CDH22: variants seen among roughly 807,000 people sequenced by gnomAD.
CDH22 encodes the protein cadherin 22, also known as cadherin-22.
In CDH22, 30 loss-of-function variants were observed where a neutral mutation model predicts 58.4. The ratio of observed to expected loss-of-function variants is 0.51; its 90% CI spans 0.38 to 0.70. The LOEUF (loss-of-function observed/expected upper bound fraction) is 0.70, where lower values mean the gene tolerates loss of function less well. Ranked by LOEUF, CDH22 falls within the 30% of genes least tolerant of loss-of-function variation. CDH22 has a pLI of 0.00. For synonymous variants in CDH22, 513 were observed against 558.2 expected (o/e 0.92, Z 1.14); for missense variants, 1,014 against 1,233.9 (o/e 0.82, Z 2.67).
intron 1 of CDH22, among the ~76,000 whole-genome samples, chr20:46,289,522 T>G (rs914418834): frequency 6.6e-5 from 10 of 152,244 alleles, no homozygotes; most frequent in African/African-American, 2.4e-4. Context: ...TCTATCTGTC[T>G]TCCTGTTTGT....
chr20:46,287,929 A>G (rs907236737), intron 1 of CDH22, among the ~76,000 whole-genome samples: 2 of 152,006 alleles, frequency 1.3e-5, no homozygotes, highest in Non-Finnish European at 2.9e-5. Context: ...GTGAGGTTGG[A>G]GAGGAGTGGG....
At chr20:46,306,449 T>C (rs1312711835) in intron 1 of CDH22, among the ~76,000 whole-genome samples, 1 of 152,222 alleles carries the variant, frequency 6.6e-6, no homozygotes, top group South Asian at 2.1e-4. Context: ...ACCCAAGAGG[T>C]ACAGGTGCCC....
chr20:46,217,203 G>C (rs911854833), intron 4 of CDH22, among the ~76,000 whole-genome samples: 1 of 151,768 alleles, frequency 6.6e-6, no homozygotes, highest in Non-Finnish European at 1.5e-5. Context: ...TACAGATACA[G>C]ATACACATGC....
intron 3 of CDH22, among the ~76,000 whole-genome samples, chr20:46,229,361 G>A (rs544500066): frequency 8.3e-4 from 126 of 151,476 alleles, no homozygotes; most frequent in African/African-American, 3.0e-3. Flanking sequence ...GGCACAGAGT[G>A]AGGAAGTGGT....
intron 1 of CDH22, among the ~76,000 whole-genome samples, chr20:46,278,690 C>T (rs966855676): frequency 6.6e-6 from 1 of 152,066 alleles, no homozygotes; most frequent in African/African-American, 2.4e-5. Flanking sequence ...GCTAAGCAAT[C>T]CTCCCACCTC....
At chr20:46,265,945 TAC>T (rs10536307) in intron 1 of CDH22, among the ~76,000 whole-genome samples, 9,065 of 147,562 alleles carry the variant, frequency 0.061, 440 homozygotes, top group East Asian at 0.23. Context: ...TTCACACAGA[TAC>T]ACACACACAC....
At chr20:46,245,595 A>G (rs560344381) in intron 2 of CDH22, among the ~76,000 whole-genome samples, 1 of 152,330 alleles carries the variant, frequency 6.6e-6, no homozygotes, top group South Asian at 2.1e-4. Flanking sequence ...AGGGCCAAGC[A>G]TCTGGCTGTT....
At chr20:46,285,138 T>A (rs1473252488) in intron 1 of CDH22, among the ~76,000 whole-genome samples, 1 of 152,194 alleles carries the variant, frequency 6.6e-6, no homozygotes, top group African/African-American at 2.4e-5. Context: ...AAGCTTGCCT[T>A]TGCATGTGCC....
chr20:46,210,298 G>A lies in CDH22; in HGVS notation c.1286+9C>T, dbSNP rs1354312261. 6.4e-6 allele frequency: 9 copies of A among 1,405,254 alleles called. No individual in the cohort carries two copies. Among genetic ancestry groups the A allele is most frequent in the Non-Finnish European group, 8.3e-6 (9 of 1,086,078 alleles). 87.0% of individuals were successfully genotyped at this position (1,405,254 alleles called of 1,614,324 possible). ...GGCAGCAGGCGTCGGCCCCGGGCGG[G>A]GGTCTCACCGGACGGGCCGGTTGGC... is the stretch of plus-strand genomic sequence containing the variant. On this transcript the variant is annotated intron_variant, in intron 7 of 11. Transcript: ENST00000537909. The surrounding 1 kb of genome is among the most constrained non-coding windows in gnomAD (Gnocchi z 4.5).
intron 1 of CDH22, among the ~76,000 whole-genome samples, chr20:46,287,639 G>C (rs1246589286): frequency 6.6e-6 from 1 of 151,846 alleles, no homozygotes. Context: ...AGGAGAAGCA[G>C]GCAGGAGGCC....
At chr20:46,227,450 C>T in intron 4 of CDH22, 58 bp downstream of exon 4, 1 of 1,399,474 alleles carries the variant, frequency 7.1e-7, no homozygotes, top group Non-Finnish European at 9.8e-7. Flanking sequence ...GGTCCTCGTC[C>T]CGCCCCGCCC....
Position 46,186,627 on chromosome 20 carries a change from C to T in CDH22, c.1624G>A (p.Ala542Thr), listed in dbSNP as rs2085826922. 6.2e-7 allele frequency: 1 copy of T among 1,612,834 alleles called. No homozygotes were observed. Among genetic ancestry groups the T allele is most frequent in the Non-Finnish European group, 8.5e-7 (1 of 1,179,982 alleles). The change falls in exon 10 of 12, where the codon GCT (alanine) becomes ACT (threonine). Residue 542 changes from alanine to threonine, a missense_variant. Physicochemically the swap from Ala to Thr is moderately conservative, Grantham distance 58. Transcript: ENST00000537909. The stretch of plus-strand genomic sequence containing the variant: ...AGAGAGAAATGAGGGTTGCTGGGAG[C>T]TTCAGGCACCAGGCGGAAATAGAAG... The part of the protein sequence containing the change: ...HRFYFRLVPE[A>T]PSNPHFSLLD...
intron 3 of CDH22, among the ~76,000 whole-genome samples, chr20:46,236,514 TATATATA>T (rs1329226502): frequency 2.1e-5 from 3 of 140,592 alleles, no homozygotes; most frequent in South Asian, 2.1e-4. Flanking sequence ...TATATTTAAT[TATATATA>T]ATATATAATA....
rs202149090 is a variant in CDH22, at chr20:46,216,801, C to T, written c.838+25G>A. 4.9e-3 allele frequency: 7,690 copies of T among 1,582,026 alleles called. 34 individuals are homozygous for T. The highest frequency in any genetic ancestry group is 5.8e-3 in the Non-Finnish European group (6,706 of 1,153,826). On this transcript the variant is annotated intron_variant, in intron 5 of 11. Transcript: ENST00000537909. The surrounding 1 kb of genome is among the most constrained non-coding windows in gnomAD (Gnocchi z 5.3). ...GTAACAGACAGACACACAGACGCGC[C>T]TTCCTCTGGGAAGGCCTCACTCACT...
chr20:46,297,989 C>A (rs1194256022), intron 1 of CDH22, among the ~76,000 whole-genome samples: 1 of 152,062 alleles, frequency 6.6e-6, no homozygotes, highest in African/African-American at 2.4e-5. Context: ...GATCCCGACG[C>A]CCCCTCTACT....
At chr20:46,190,728 C>A (rs182272774) in intron 8 of CDH22, among the ~76,000 whole-genome samples, 2 of 152,198 alleles carry the variant, frequency 1.3e-5, no homozygotes, top group Non-Finnish European at 2.9e-5. Flanking sequence ...CAGCCTTAAC[C>A]GATTCCTAAA....
At chr20:46,228,305 C>T (rs980002966) in intron 3 of CDH22, among the ~76,000 whole-genome samples, 7 of 152,184 alleles carry the variant, frequency 4.6e-5, no homozygotes, top group African/African-American at 1.2e-4. Flanking sequence ...GTGCCCTCCT[C>T]GCCCCTCCCC....
Position 46,213,202 on chromosome 20 carries a change from G to C in CDH22, c.839-14C>G. The C allele has an allele frequency of 6.2e-7, 1 of 1,612,698 alleles. No individual in the cohort carries two copies. The highest frequency in any genetic ancestry group is 1.1e-5 in the South Asian group (1 of 91,014). On this transcript the variant is annotated splice_polypyrimidine_tract_variant and intron_variant, in intron 5 of 11. Transcript: ENST00000537909. ...ACTGGTACATCTCTGTGGGGGACAC[G>C]GCCATGAGCAGGGATGAAGGCAGCC...
intron 7 of CDH22, among the ~76,000 whole-genome samples, chr20:46,206,849 G>T (rs924439074): frequency 1.3e-5 from 2 of 152,214 alleles, no homozygotes; most frequent in African/African-American, 4.8e-5. Flanking sequence ...ACAGTGCCGG[G>T]CACAACTCAA....
Sources: gnomAD v4.1 joint callset for allele counts (sites outside exome capture counted in the v4.1 genomes callset) on GRCh38, gnomAD v4.1.1 for gene constraint, Gnocchi (gnomAD v3.1) non-coding constraint, MANE v1.5 for transcripts, NCBI Gene and HGNC (gene_info 2026-07-23, HGNC 2026-07-21) for gene names.